DPP10: variants seen among roughly 807,000 people sequenced by gnomAD.
DPP10 encodes dipeptidyl peptidase like 10.
In DPP10, 33 loss-of-function variants were observed where a neutral mutation model predicts 120.9. The observed-to-expected ratio is 0.27, with a 90% CI of 0.21 to 0.37. The LOEUF (loss-of-function observed/expected upper bound fraction) is 0.37, where lower values mean the gene tolerates loss of function less well. Among genes scored for constraint, DPP10 ranks in the 10% least tolerant of loss-of-function variants. DPP10 has a pLI of 1.00. For missense variants in DPP10, 816 were observed against 942.8 expected (o/e 0.87, Z 1.76); for synonymous variants, 337 against 326.1 (o/e 1.03, Z -0.36).
rs148954503 is a variant in DPP10, at chr2:114,701,723, T to C, written c.60+258885T>C. 2.0e-3 allele frequency among the ~76,000 whole-genome samples: 304 copies of C among 152,136 alleles called. 3 individuals carry two copies. Among genetic ancestry groups the C allele is most frequent in the African/African-American group, 7.1e-3 (293 of 41,530 alleles). On this transcript the variant is annotated intron_variant, in intron 1 of 25. Transcript: ENST00000410059. The stretch of plus-strand genomic sequence containing the variant: ...CCAACTACATCCAAGGAATTGTTGA[T>C]GGGAATGGGGGGTGGGCAGTCCAGG...
intron 10 of DPP10, chr2:115,750,229 G>C (rs1350076920): frequency 3.1e-6 from 3 of 980,552 alleles, no homozygotes; most frequent in Non-Finnish European, 3.6e-6. Context: ...TTCAGAGACA[G>C]CCTGAATACT....
intron 1 of DPP10, among the ~76,000 whole-genome samples, chr2:115,004,467 T>G (rs1354125550): frequency 2.0e-5 from 3 of 152,152 alleles, no homozygotes; most frequent in Non-Finnish European, 4.4e-5. Flanking sequence ...CGGGTTCATC[T>G]CACTAGGGAG....
chr2:114,495,548 T>G (rs1276602110), intron 1 of DPP10, among the ~76,000 whole-genome samples: 2 of 152,184 alleles, frequency 1.3e-5, no homozygotes, highest in Admixed American at 6.5e-5. Flanking sequence ...TATGACAAAA[T>G]AATGAATTTG....
At chr2:114,798,270 G>A (rs1017175560) in intron 1 of DPP10, among the ~76,000 whole-genome samples, 1 of 152,146 alleles carries the variant, frequency 6.6e-6, no homozygotes, top group Non-Finnish European at 1.5e-5. Flanking sequence ...AAAGTAATGG[G>A]TCAGTGTTGG....
Position 115,660,253 on chromosome 2 carries a change from T to TC in DPP10, c.442-29429dup, listed in dbSNP as rs569167715. 2.9e-3 allele frequency among the ~76,000 whole-genome samples: 446 copies of TC among 152,274 alleles called. 2 individuals carry two copies. Among genetic ancestry groups the TC allele is most frequent in the African/African-American group, 0.01 (423 of 41,550 alleles). ...CTATGGTAATTGTTGCTCCTTTTTT[T>TC]CCCCCTCTCTGTTTCACCTGCTCAA... On this transcript the variant is annotated intron_variant, in intron 5 of 25. Coordinates refer to ENST00000410059, the MANE Select transcript of DPP10 (RefSeq NM_020868.6).
At chr2:115,490,251 C>T (rs1206951821) in intron 3 of DPP10, among the ~76,000 whole-genome samples, 1 of 152,122 alleles carries the variant, frequency 6.6e-6, no homozygotes, top group Non-Finnish European at 1.5e-5. Flanking sequence ...AGGAAACTTA[C>T]AATCATGGCA....
chr2:114,686,145 A>G (rs1699351033), intron 1 of DPP10, among the ~76,000 whole-genome samples: 1 of 151,950 alleles, frequency 6.6e-6, no homozygotes, highest in African/African-American at 2.4e-5. Flanking sequence ...GATGCAAGGA[A>G]AAGAGAATGC....
At chr2:114,582,423 G>A (rs576169550) in intron 1 of DPP10, among the ~76,000 whole-genome samples, 1 of 152,186 alleles carries the variant, frequency 6.6e-6, no homozygotes, top group African/African-American at 2.4e-5. Flanking sequence ...TTTTTGAACA[G>A]ATATATGTTT....
chr2:114,498,807 A>G (rs553839421), intron 1 of DPP10, among the ~76,000 whole-genome samples: 1 of 152,310 alleles, frequency 6.6e-6, no homozygotes, highest in South Asian at 2.1e-4. Flanking sequence ...TTAAATTTCA[A>G]CATAAGTTTC....
chr2:114,970,800 C>T (rs941221696), intron 1 of DPP10, among the ~76,000 whole-genome samples: 2 of 152,072 alleles, frequency 1.3e-5, no homozygotes, highest in African/African-American at 2.4e-5. Context: ...ACTGAATCCC[C>T]AATGCTCAAG....
At chr2:115,439,999 C>A (rs916446325) in intron 3 of DPP10, among the ~76,000 whole-genome samples, 1 of 151,984 alleles carries the variant, frequency 6.6e-6, no homozygotes, top group African/African-American at 2.4e-5. Context: ...TGCAAACTTG[C>A]AAAAATATAT....
intron 1 of DPP10, among the ~76,000 whole-genome samples, chr2:114,880,337 T>C (rs1197424760): frequency 1.3e-5 from 2 of 152,144 alleles, no homozygotes; most frequent in African/African-American, 2.4e-5. Flanking sequence ...ACATTTTTAT[T>C]CTATTTTCAT....
At chr2:115,657,647 GA>G (rs201193549) in intron 5 of DPP10, among the ~76,000 whole-genome samples, 4 of 151,222 alleles carry the variant, frequency 2.6e-5, no homozygotes, top group African/African-American at 9.7e-5. Context: ...AGTGTGTGTA[GA>G]AAAAAAAGCG....
At chr2:115,012,586 G>A (rs1046924793) in intron 1 of DPP10, among the ~76,000 whole-genome samples, 2 of 152,120 alleles carry the variant, frequency 1.3e-5, no homozygotes, top group Non-Finnish European at 2.9e-5. Flanking sequence ...AAAGCAAAAA[G>A]TATCACTATA....
intron 1 of DPP10, among the ~76,000 whole-genome samples, chr2:114,465,651 A>T (rs1679302886): frequency 6.6e-6 from 1 of 152,254 alleles, no homozygotes; most frequent in Non-Finnish European, 1.5e-5. Flanking sequence ...TGAATATAAA[A>T]ACAATTTTTA....
At chr2:115,814,232 A>T (rs7578758) in intron 19 of DPP10, among the ~76,000 whole-genome samples, 2 of 152,038 alleles carry the variant, frequency 1.3e-5, no homozygotes, top group Non-Finnish European at 2.9e-5. Context: ...GCTTGTTTAA[A>T]TTTTCTTCAG....
chr2:115,282,999 C>T (rs921966111), intron 1 of DPP10, among the ~76,000 whole-genome samples: 1 of 151,890 alleles, frequency 6.6e-6, no homozygotes, highest in African/African-American at 2.4e-5. Context: ...TAGAATCTAG[C>T]CTTGAATATT....
chr2:115,379,778 A>C (rs1559510216), intron 3 of DPP10, among the ~76,000 whole-genome samples: 1 of 152,098 alleles, frequency 6.6e-6, no homozygotes, highest in Non-Finnish European at 1.5e-5. Context: ...GTTTCAAAGA[A>C]CATCTTTATT....
chr2:114,923,409 C>A (rs1695347967), intron 1 of DPP10, among the ~76,000 whole-genome samples: 1 of 150,884 alleles, frequency 6.6e-6, no homozygotes, highest in Non-Finnish European at 1.5e-5. Context: ...GTCTCTATCT[C>A]CTGCCTCAAC....
Sources: allele counts gnomAD v4.1 joint callset (sites outside exome capture counted in the v4.1 genomes callset), GRCh38; gene constraint gnomAD v4.1.1; transcripts MANE v1.5; gene names NCBI Gene and HGNC (gene_info 2026-07-23, HGNC 2026-07-21).